DNAAF1: variants seen among roughly 807,000 people sequenced by gnomAD.
DNAAF1 encodes dynein axonemal assembly factor 1.
In DNAAF1, 65 loss-of-function variants were observed where a neutral mutation model predicts 71.1. That is an observed-to-expected ratio of 0.91 (90% CI 0.75 to 1.12). DNAAF1 has a LOEUF of 1.12. Among genes scored for constraint, DNAAF1 ranks in the 50% most tolerant of loss-of-function variants. The probability of loss-of-function intolerance (pLI) is 0.00; values close to 1 mark genes in which losing one functional copy is unlikely to be tolerated. For missense variants in DNAAF1, 1,178 were observed against 899.8 expected, an observed-to-expected ratio of 1.31 and a Z score of -3.96; for synonymous variants, 414 against 354.6, an observed-to-expected ratio of 1.17 and a Z score of -1.88.
chr16:84,166,622 C>T (rs1401639072), intron 7 of DNAAF1, among the ~76,000 whole-genome samples: 1 of 152,132 alleles, frequency 6.6e-6, no homozygotes, highest in African/African-American at 2.4e-5. Context: ...CTCCACCCAC[C>T]TTGGCTTCCC....
intron 7 of DNAAF1, among the ~76,000 whole-genome samples, chr16:84,166,678 T>C (rs2088024180): frequency 2.0e-5 from 3 of 152,158 alleles, no homozygotes; most frequent in Admixed American, 1.3e-4. Context: ...TGGCCAGGGA[T>C]TTTTTTAAAA....
intron 5 of DNAAF1, among the ~76,000 whole-genome samples, chr16:84,157,855 GT>G (rs2087513641): frequency 6.6e-6 from 1 of 152,150 alleles, no homozygotes; most frequent in African/African-American, 2.4e-5. Flanking sequence ...CCCCCCGTTT[GT>G]TCGTTTTTGT....
At chr16:84,156,486 G>T (rs1043248945) in intron 5 of DNAAF1, among the ~76,000 whole-genome samples, 1 of 152,188 alleles carries the variant, frequency 6.6e-6, no homozygotes, top group Admixed American at 6.6e-5. Flanking sequence ...ATCCGGGAGC[G>T]TGTGATGCCT....
intron 11 of DNAAF1, chr16:84,177,162 G>A (rs556447737): frequency 4.9e-4 from 89 of 182,280 alleles, no homozygotes; most frequent in African/African-American, 1.7e-3. Flanking sequence ...TGCATTTCCC[G>A]GGAACACTGA....
intron 9 of DNAAF1, 117 bp from the exon 10 acceptor site, chr16:84,174,552 G>C: frequency 6.3e-7 from 1 of 1,592,074 alleles, no homozygotes; most frequent in Non-Finnish European, 8.6e-7. Flanking sequence ...TCACCTGAGT[G>C]ATTTGAGTAA....
At chr16:84,149,240 T>C in intron 2 of DNAAF1, 98 bp downstream of exon 2, 5 of 1,472,362 alleles carry the variant, frequency 3.4e-6, no homozygotes, top group Non-Finnish European at 4.7e-6. Context: ...CTGGTAGAGA[T>C]TGAATTGCCT....
chr16:84,172,956 T>G, intron 9 of DNAAF1: 1 of 1,005,318 alleles, frequency 9.9e-7, no homozygotes, highest in South Asian at 4.2e-5. Flanking sequence ...TCTCAAATGC[T>G]TAGGCCCACA....
Position 84,166,011 on chromosome 16 carries a change from C to T in DNAAF1, c.1030+62C>T, listed in dbSNP as rs11866161. 2.5e-5 allele frequency: 37 copies of T among 1,495,302 alleles called. 1 individual carries two copies. The highest frequency in any genetic ancestry group is 1.5e-4 in the South Asian group (13 of 88,572). The allele number at this position is 1,495,302 out of a possible 1,614,324, so 92.6% of individuals were successfully genotyped here. A position where few individuals can be genotyped will look rare whatever the true frequency, so the allele number is the denominator to read the frequency against. ...CTTTGAGATTAGGCAAGTCTAAGCT[C>T]TCAAACCCAGTCTTTAATCTTGGGA... On this transcript the variant is annotated intron_variant, in intron 7 of 11. Transcript: ENST00000378553.
At chr16:84,155,918 C>T (rs1268391948) in intron 5 of DNAAF1, among the ~76,000 whole-genome samples, 169 bp downstream of exon 5, 5 of 151,896 alleles carry the variant, frequency 3.3e-5, no homozygotes, top group Non-Finnish European at 5.9e-5. Context: ...TGCCAGTTAT[C>T]GTATTATTTT....
intron 6 of DNAAF1, among the ~76,000 whole-genome samples, chr16:84,164,600 T>C (rs983669224): frequency 2.6e-5 from 4 of 152,244 alleles, no homozygotes; most frequent in Non-Finnish European, 4.4e-5. Flanking sequence ...TGACAGCTTG[T>C]TTCTTTTCAT....
intron 1 of DNAAF1, among the ~76,000 whole-genome samples, chr16:84,146,082 G>A (rs2086889451): frequency 6.6e-6 from 1 of 151,854 alleles, no homozygotes; most frequent in Non-Finnish European, 1.5e-5. Flanking sequence ...GGACGACAGT[G>A]GGAGACTCCG....
intron 9 of DNAAF1, 198 bp from the exon 10 acceptor site, chr16:84,174,471 A>T (rs1451645796): frequency 5.6e-5 from 82 of 1,452,688 alleles, no homozygotes; most frequent in Non-Finnish European, 7.3e-5. Flanking sequence ...TATTAGATCC[A>T]GACACCTGAG....
rs765676142 is a variant in DNAAF1, at chr16:84,148,596, C to CTTTTTTTTTTTTTTTTT, written c.125-409_125-393dup. Among the ~76,000 whole-genome samples, 35 of 43,576 alleles carry CTTTTTTTTTTTTTTTTT rather than the reference C, an allele frequency of 8.0e-4. 2 individuals are homozygous for CTTTTTTTTTTTTTTTTT. Among genetic ancestry groups the CTTTTTTTTTTTTTTTTT allele is most frequent in the Non-Finnish European group, 1.1e-3 (27 of 24,096 alleles). 28.6% of individuals were successfully genotyped at this position (43,576 alleles called of 152,430 possible). A position where few individuals can be genotyped will look rare whatever the true frequency, so the allele number is the denominator to read the frequency against. ...AAAGATTACTGTTCTCTCTCTCTCT[C>CTTTTTTTTTTTTTTTTT]TTTTTTTTTTTTTTTTTTGGTGAGA... On this transcript the variant is annotated intron_variant, in intron 1 of 11. Transcript: ENST00000378553.
chr16:84,160,259 G>C (rs1231686006), intron 6 of DNAAF1, among the ~76,000 whole-genome samples: 1 of 152,094 alleles, frequency 6.6e-6, no homozygotes, highest in South Asian at 2.1e-4. Flanking sequence ...TGATGAAGTT[G>C]GGCATTTTCT....
rs112051327 is a variant in DNAAF1, at chr16:84,159,713, G to A, written c.780G>A (p.Gln260=). The A allele has an allele frequency of 6.2e-7, 1 of 1,613,864 alleles. No homozygotes were observed. The change falls in exon 6 of 12, where the codon CAG becomes CAA. Residue 260 remains glutamine, a synonymous_variant. Transcript: ENST00000378553. Reference sequence around the variant, plus strand: ...TGATGGGAAACCCGGTTATCAGACAGATTCCTAATTACAGAAGGACAGTCA... The same window carrying A: ...TGATGGGAAACCCGGTTATCAGACAAATTCCTAATTACAGAAGGACAGTCA... The part of the protein sequence containing the change: ...LNLMGNPVIR[Q]IPNYRRTVTV...
At chr16:84,161,690 T>C (rs1597445246) in intron 6 of DNAAF1, among the ~76,000 whole-genome samples, 1 of 151,290 alleles carries the variant, frequency 6.6e-6, no homozygotes, top group Non-Finnish European at 1.5e-5. Context: ...TGAATCTTAA[T>C]CCAGCCACTG....
intron 10 of DNAAF1, chr16:84,175,670 C>T: frequency 2.0e-6 from 1 of 509,032 alleles, no homozygotes. Context: ...AGGGGTGCGC[C>T]CTCTCAGGTA....
intron 7 of DNAAF1, among the ~76,000 whole-genome samples, chr16:84,168,822 C>CCACATACACACACACACA (rs2088161388): frequency 2.4e-5 from 1 of 42,346 alleles, no homozygotes; most frequent in Non-Finnish European, 5.5e-5. Context: ...TACACATTTG[C>CCACATACACACACACACA]CACATACACA....
chr16:84,159,029 C>G (rs892704698), intron 5 of DNAAF1: 1 of 987,096 alleles, frequency 1.0e-6, no homozygotes, highest in Non-Finnish European at 1.2e-6. Context: ...CCATGCCCAG[C>G]CCCACTAAGC....
Sources: gnomAD v4.1 joint callset for allele counts (sites outside exome capture counted in the v4.1 genomes callset) on GRCh38, gnomAD v4.1.1 for gene constraint, MANE v1.5 for transcripts, NCBI Gene and HGNC (gene_info 2026-07-23, HGNC 2026-07-21) for gene names.